The following DOP1B variants were observed in gnomAD, a reference collection of about 807,000 sequenced individuals.
The protein encoded by DOP1B is DOP1 leucine zipper like protein B.
DOP1B carries 174 observed loss-of-function variants against 233.5 expected under a neutral mutation model. The ratio of observed to expected loss-of-function variants is 0.75; its 90% CI spans 0.66 to 0.85. The LOEUF (loss-of-function observed/expected upper bound fraction) is 0.85, where lower values mean the gene tolerates loss of function less well. Among genes scored for constraint, DOP1B ranks in the 40% least tolerant of loss-of-function variants. The pLI, the probability that DOP1B is intolerant of heterozygous loss-of-function variation, is 0.00. For synonymous variants in DOP1B, 1,190 were observed against 1,185.6 expected (o/e 1.00, Z -0.08); for missense variants, 2,652 against 2,846.6 (o/e 0.93, Z 1.56).
At chr21:36,166,084 T>G (rs1012627981) in intron 2 of DOP1B, among the ~76,000 whole-genome samples, 2 of 151,474 alleles carry the variant, frequency 1.3e-5, no homozygotes, top group Non-Finnish European at 2.9e-5. Context: ...TACAGTTTCA[T>G]CCTGAAACCA....
intron 32 of DOP1B, among the ~76,000 whole-genome samples, chr21:36,285,930 C>A (rs769636330): frequency 1.5e-4 from 23 of 151,948 alleles, no homozygotes; most frequent in Non-Finnish European, 3.2e-4. Flanking sequence ...ATTGCTTGAA[C>A]CCTGGAGGCG....
At chr21:36,273,934 C>G (rs148232789) in intron 27 of DOP1B, among the ~76,000 whole-genome samples, 1 of 151,930 alleles carries the variant, frequency 6.6e-6, no homozygotes, top group African/African-American at 2.4e-5. Flanking sequence ...AGAAATTAGC[C>G]GGGTGTGGTG....
intron 23 of DOP1B, among the ~76,000 whole-genome samples, chr21:36,259,032 C>G (rs2067139693): frequency 7.0e-6 from 1 of 143,226 alleles, no homozygotes; most frequent in Non-Finnish European, 1.5e-5. Flanking sequence ...CTGGCGCAAT[C>G]TCGGCTCACT....
intron 24 of DOP1B, among the ~76,000 whole-genome samples, chr21:36,262,845 C>T (rs1332455871): frequency 2.0e-5 from 3 of 151,712 alleles, no homozygotes; most frequent in East Asian, 1.9e-4. Context: ...GAGCTCAGAT[C>T]GTGCCACTGC....
intron 14 of DOP1B, among the ~76,000 whole-genome samples, chr21:36,231,370 A>C (rs2066763506): frequency 1.3e-5 from 2 of 152,212 alleles, no homozygotes; most frequent in African/African-American, 4.8e-5. Flanking sequence ...AGTGCTAATA[A>C]GGTTTCAGGT....
intron 2 of DOP1B, among the ~76,000 whole-genome samples, chr21:36,193,915 ATTAC>A (rs968295055): frequency 6.0e-4 from 91 of 152,268 alleles, no homozygotes; most frequent in Middle Eastern, 6.8e-3. Context: ...ATGTGTGTGG[ATTAC>A]TTACTTTGTG....
chr21:36,250,647 C>T (rs192350168), intron 21 of DOP1B, among the ~76,000 whole-genome samples: 176 of 152,256 alleles, frequency 1.2e-3, no homozygotes, highest in African/African-American at 4.0e-3. Flanking sequence ...ACATCAGGAC[C>T]ATGTTACAGG....
chr21:36,184,732 C>T (rs867053327), intron 2 of DOP1B, among the ~76,000 whole-genome samples: 5 of 152,206 alleles, frequency 3.3e-5, no homozygotes, highest in South Asian at 2.1e-4. Flanking sequence ...AAGTGCTGAC[C>T]CAGCAGGCAG....
intron 9 of DOP1B, among the ~76,000 whole-genome samples, chr21:36,217,582 T>C (rs558107081): frequency 5.6e-4 from 86 of 152,330 alleles, no homozygotes; most frequent in Non-Finnish European, 9.4e-4. Flanking sequence ...AGGTGAACTT[T>C]ATTCCAAGAG....
intron 5 of DOP1B, among the ~76,000 whole-genome samples, chr21:36,211,130 G>A (rs1024760725): frequency 2.6e-5 from 4 of 152,202 alleles, no homozygotes; most frequent in African/African-American, 7.2e-5. Flanking sequence ...AACTCTGAGC[G>A]TTTGTCTGTG....
At chr21:36,177,412 G>A (rs1464969926) in intron 2 of DOP1B, among the ~76,000 whole-genome samples, 1 of 152,204 alleles carries the variant, frequency 6.6e-6, no homozygotes, top group Non-Finnish European at 1.5e-5. Context: ...TTGTGTTTGA[G>A]TGAAGGAATA....
chr21:36,208,175 C>T lies in DOP1B; in HGVS notation c.492-540C>T, dbSNP rs374754044. ...TCCAGGCTGATGGAATTTGCAGGGT[C>T]GTGGGAGGCCCCAGGCAGATTTGCC... On this transcript the variant is annotated intron_variant, in intron 4 of 36. Transcript: ENST00000691173. Among the ~76,000 whole-genome samples, 5 of 152,200 alleles carry T rather than the reference C, an allele frequency of 3.3e-5. No homozygotes were observed. The East Asian group carries it at 7.7e-4, about 23-fold the overall frequency.
At chr21:36,220,932 T>C (rs1033793039) in intron 10 of DOP1B, among the ~76,000 whole-genome samples, 1 of 152,016 alleles carries the variant, frequency 6.6e-6, no homozygotes, top group African/African-American at 2.4e-5. Flanking sequence ...CACCTCAGCT[T>C]CCCAAGTAGC....
intron 30 of DOP1B, 84 bp downstream of exon 30, chr21:36,278,439 A>G: frequency 1.4e-6 from 2 of 1,450,622 alleles, no homozygotes; most frequent in South Asian, 2.6e-5. Flanking sequence ...TCATTCCTGA[A>G]ATAGAAGCAG....
intron 18 of DOP1B, among the ~76,000 whole-genome samples, chr21:36,242,751 A>T (rs1393759419): frequency 1.3e-5 from 2 of 152,204 alleles, no homozygotes; most frequent in African/African-American, 4.8e-5. Flanking sequence ...TCTGAAAAAA[A>T]TGATAAGTGT....
intron 13 of DOP1B, among the ~76,000 whole-genome samples, chr21:36,228,698 A>G (rs1011146621): frequency 1.3e-5 from 2 of 151,936 alleles, no homozygotes; most frequent in African/African-American, 4.8e-5. Flanking sequence ...CCCAGGAGGC[A>G]GACCTTGCAG....
intron 4 of DOP1B, among the ~76,000 whole-genome samples, chr21:36,206,875 A>G (rs1205239929): frequency 6.6e-6 from 1 of 152,156 alleles, no homozygotes; most frequent in Non-Finnish European, 1.5e-5. Context: ...GCCATTACTT[A>G]TGTCTCTTCA....
chr21:36,244,019 C>CTTTTTTTTTTTTTTT (rs35020490), intron 18 of DOP1B, among the ~76,000 whole-genome samples: 2 of 70,580 alleles, frequency 2.8e-5, no homozygotes, highest in Admixed American at 2.2e-4. Context: ...TTTTCCTTTC[C>CTTTTTTTTTTTTTTT]TTTTTTTTTT....
Position 36,278,013 on chromosome 21 carries a change from T to A in DOP1B, c.5751T>A (p.Asp1917Glu). Residue 1917 changes from aspartate (D) to glutamate (E), a missense_variant, in exon 29 of 37, where the codon GAT (aspartate) becomes GAA (glutamate). By Grantham distance (45) the Asp-to-Glu change is conservative. Around this residue, in one of 3 missense-constraint regions of DOP1B, gnomAD observed 2,617 missense variants for 2,794.3 expected, o/e 0.94. Transcript: ENST00000691173. ...ASLLDMVYRS[D>E]EKEKAVPLIS... The stretch of plus-strand genomic sequence containing the variant: ...TCCTGGACATGGTTTATCGAAGTGA[T>A]GAGAAGGAGAAAGCTGTGCCGTTAA... 6.2e-7 allele frequency: 1 copy of A among 1,614,144 alleles called. No individual in the cohort carries two copies. Among genetic ancestry groups the A allele is most frequent in the South Asian group, 1.1e-5 (1 of 91,084 alleles).
Sources: allele counts gnomAD v4.1 joint callset (sites outside exome capture counted in the v4.1 genomes callset), GRCh38; gene constraint gnomAD v4.1.1; regional missense constraint gnomAD v4.1.1; transcripts MANE v1.5; gene names NCBI Gene and HGNC (gene_info 2026-07-23, HGNC 2026-07-21).